Variants in SAMTOR observed in about 807,000 individuals in gnomAD.
SAMTOR encodes S-adenosylmethionine sensor upstream of mTORC1.
chr7:112,936,359 C>T, the SAMTOR span, among the ~76,000 whole-genome samples: 1 of 152,270 alleles, frequency 6.6e-6, no homozygotes, highest in Non-Finnish European at 1.5e-5. Context: ...CCAGTTCTCA[C>T]TTTACCTTTA....
At chr7:112,927,892 C>T in the SAMTOR span, among the ~76,000 whole-genome samples, 1,627 of 151,962 alleles carry the variant, frequency 0.011, 30 homozygotes, top group African/African-American at 0.037. Context: ...CTTAAAGTTG[C>T]CAAACCAAGT....
the SAMTOR span, among the ~76,000 whole-genome samples, chr7:112,888,123 G>A: frequency 1.3e-5 from 2 of 152,086 alleles, no homozygotes; most frequent in African/African-American, 4.8e-5. Flanking sequence ...GATGAGGTAT[G>A]TTTTCATTTT....
the SAMTOR span, among the ~76,000 whole-genome samples, chr7:112,915,908 T>A: frequency 1.3e-5 from 2 of 152,216 alleles, no homozygotes; most frequent in South Asian, 4.1e-4. Context: ...GCTTCTTGAC[T>A]GTTATTTTCT....
the SAMTOR span, among the ~76,000 whole-genome samples, chr7:112,915,929 T>C: frequency 2.0e-5 from 3 of 152,228 alleles, no homozygotes; most frequent in African/African-American, 4.8e-5. Context: ...TGTGTCTCTA[T>C]TGACTGTTAT....
chr7:112,917,139 G>T, the SAMTOR span, among the ~76,000 whole-genome samples: 1 of 152,258 alleles, frequency 6.6e-6, no homozygotes, highest in African/African-American at 2.4e-5. Context: ...AGAACAGGCA[G>T]ACTGCCTCCT....
chr7:112,859,933 A>C, the SAMTOR span, among the ~76,000 whole-genome samples: 351 of 152,324 alleles, frequency 2.3e-3, 1 homozygote, highest in African/African-American at 8.3e-3. Context: ...TAAAGTCTAT[A>C]GTAGTATACA....
At chr7:112,835,521 G>C in the SAMTOR span, among the ~76,000 whole-genome samples, 1 of 152,052 alleles carries the variant, frequency 6.6e-6, no homozygotes, top group Non-Finnish European at 1.5e-5. Flanking sequence ...AGGGGTACAT[G>C]TACAGGTTAC....
chr7:112,931,467 T>C, the SAMTOR span, among the ~76,000 whole-genome samples: 1 of 152,162 alleles, frequency 6.6e-6, no homozygotes, highest in Non-Finnish European at 1.5e-5. Context: ...ACACATCCTA[T>C]AAGGCAGATG....
chr7:112,900,579 T>A, the SAMTOR span, among the ~76,000 whole-genome samples: 3 of 152,096 alleles, frequency 2.0e-5, no homozygotes, highest in Admixed American at 6.6e-5. Context: ...AAAATTAACA[T>A]AGGCAACACA....
chr7:112,833,712 A>G, the SAMTOR span, among the ~76,000 whole-genome samples: 1 of 152,224 alleles, frequency 6.6e-6, no homozygotes, highest in South Asian at 2.1e-4. Context: ...AGTTACTTCA[A>G]CATTATGGAA....
chr7:112,935,711 A>G, the SAMTOR span, among the ~76,000 whole-genome samples: 5 of 152,208 alleles, frequency 3.3e-5, no homozygotes, highest in Non-Finnish European at 7.4e-5. Flanking sequence ...AAAGATATTC[A>G]TAAGATAGGT....
the SAMTOR span, among the ~76,000 whole-genome samples, chr7:112,928,569 A>G: frequency 6.6e-6 from 1 of 151,996 alleles, no homozygotes; most frequent in Non-Finnish European, 1.5e-5. Context: ...TCAGTGGAGG[A>G]CAAAATATTT....
chr7:112,873,450 A>G, the SAMTOR span, among the ~76,000 whole-genome samples: 2 of 152,174 alleles, frequency 1.3e-5, no homozygotes, highest in East Asian at 3.9e-4. Context: ...AGTCAATAAA[A>G]ATAAGCAATG....
the SAMTOR span, among the ~76,000 whole-genome samples, chr7:112,861,049 C>T: frequency 6.3e-4 from 95 of 151,718 alleles, no homozygotes; most frequent in African/African-American, 1.9e-4. Context: ...AAAAGGCTAA[C>T]GTAAATACAG....
At chr7:112,824,588 G>A in the SAMTOR span, among the ~76,000 whole-genome samples, 2 of 151,950 alleles carry the variant, frequency 1.3e-5, no homozygotes, top group African/African-American at 4.8e-5. Context: ...GTCTCGAACT[G>A]CTGATCTTGT....
At chr7:112,924,508 ATTG>A in the SAMTOR span, among the ~76,000 whole-genome samples, 1 of 152,186 alleles carries the variant, frequency 6.6e-6, no homozygotes, top group Non-Finnish European at 1.5e-5. Flanking sequence ...CCTCTCACAC[ATTG>A]TTAAGATGAC....
At chr7:112,827,948 C>T in the SAMTOR span, among the ~76,000 whole-genome samples, 33 of 152,208 alleles carry the variant, frequency 2.2e-4, no homozygotes, top group East Asian at 6.4e-3. Flanking sequence ...CTCCTGGGCT[C>T]AAGCAGTCCT....
At chr7:112,855,504 T>C in the SAMTOR span, among the ~76,000 whole-genome samples, 3 of 152,164 alleles carry the variant, frequency 2.0e-5, no homozygotes, top group African/African-American at 7.2e-5. Flanking sequence ...ATTCAGGTTT[T>C]TGGCAGAATC....
the SAMTOR span, among the ~76,000 whole-genome samples, chr7:112,861,474 T>A: frequency 6.6e-6 from 1 of 152,166 alleles, no homozygotes; most frequent in Non-Finnish European, 1.5e-5. Flanking sequence ...GACAACAGAA[T>A]TTCTTGATAA....
Sources: gnomAD v4.1 joint callset for allele counts (sites outside exome capture counted in the v4.1 genomes callset) on GRCh38, gnomAD v4.1.1 for gene constraint, MANE v1.5 for transcripts, NCBI Gene and HGNC (gene_info 2026-07-23, HGNC 2026-07-21) for gene names.